RTL4: variants seen among roughly 807,000 people sequenced by gnomAD.
RTL4 encodes retrotransposon Gag-like protein 4.
A neutral mutation model predicts 5.3 loss-of-function variants in RTL4; 4 were observed. The ratio of observed to expected loss-of-function variants is 0.75; its 90% confidence interval spans 0.37 to 1.72. The LOEUF is 1.72. Ranked by LOEUF, RTL4 falls within the 40% of genes most tolerant of loss-of-function variation. The probability of loss-of-function intolerance (pLI) is 0.04; values close to 1 mark genes in which losing one functional copy is unlikely to be tolerated. For missense variants in RTL4, 260 were observed against 227.1 expected, an observed-to-expected ratio of 1.14 and a Z score of -0.93; for synonymous variants, 98 against 87.3, an observed-to-expected ratio of 1.12 and a Z score of -0.68.
chrX:112,326,676 C>A, the RTL4 span, among the ~76,000 whole-genome samples: 1 of 112,061 alleles, frequency 8.9e-6, no homozygotes, highest in Non-Finnish European at 1.9e-5. Flanking sequence ...GGCCTGCCTG[C>A]CTCTGTAGGC....
chrX:112,325,089 C>T, the RTL4 span, among the ~76,000 whole-genome samples: 4 of 111,389 alleles, frequency 3.6e-5, no homozygotes, highest in African/African-American at 9.8e-5. Flanking sequence ...ATCCAACTTA[C>T]AAGGGATGTG....
chrX:112,172,128 C>T, the RTL4 span, among the ~76,000 whole-genome samples: 1 of 112,117 alleles, frequency 8.9e-6, no homozygotes, highest in Non-Finnish European at 1.9e-5. Flanking sequence ...AGTTCAAATC[C>T]AGCCTGGCCA....
At chrX:112,281,105 C>T in the RTL4 span, among the ~76,000 whole-genome samples, 1 of 111,423 alleles carries the variant, frequency 9.0e-6, no homozygotes, top group Admixed American at 9.6e-5. Context: ...CTTATTTCTC[C>T]TATCTAAATG....
chrX:112,279,563 G>A, the RTL4 span, among the ~76,000 whole-genome samples: 950 of 110,744 alleles, frequency 8.6e-3, 5 homozygotes, highest in Admixed American at 0.015. Flanking sequence ...ACTTTCTCTA[G>A]TAGGTACTGA....
chrX:112,155,721 G>T, the RTL4 span, among the ~76,000 whole-genome samples: 1 of 111,521 alleles, frequency 9.0e-6, no homozygotes, highest in African/African-American at 3.3e-5. Context: ...TTCTTAGATT[G>T]TTGCAAGTCT....
At chrX:112,453,992 G>A (rs1926787550), upstream of RTL4, among the ~76,000 whole-genome samples, 1 of 111,314 alleles carries the variant, frequency 9.0e-6, no homozygotes, top group South Asian at 3.7e-4. Context: ...TGTGACCTTG[G>A]GAAAACATCT....
chrX:112,163,561 A>G, the RTL4 span, among the ~76,000 whole-genome samples: 1 of 111,673 alleles, frequency 9.0e-6, no homozygotes, highest in African/African-American at 3.3e-5. Context: ...CTTGAGGATA[A>G]AGCCTTTTGT....
At chrX:112,360,500 C>T in the RTL4 span, among the ~76,000 whole-genome samples, 2 of 110,942 alleles carry the variant, frequency 1.8e-5, no homozygotes, top group Non-Finnish European at 3.8e-5. Flanking sequence ...ACCCAGATCA[C>T]AATAGTCCTA....
At chrX:112,388,139 G>A in the RTL4 span, among the ~76,000 whole-genome samples, 1 of 111,901 alleles carries the variant, frequency 8.9e-6, no homozygotes, top group Non-Finnish European at 1.9e-5. Flanking sequence ...TCACCTCTCT[G>A]GTTAGCTATA....
At chrX:112,087,930 C>T in the RTL4 span, among the ~76,000 whole-genome samples, 1 of 110,915 alleles carries the variant, frequency 9.0e-6, no homozygotes, top group East Asian at 2.8e-4. Context: ...TTAAACTATA[C>T]AATTTAGTGA....
the RTL4 span, among the ~76,000 whole-genome samples, chrX:112,189,172 T>C: frequency 1.3e-4 from 14 of 110,804 alleles, no homozygotes; most frequent in African/African-American, 3.9e-4. Flanking sequence ...GGTAGGAAGA[T>C]TGCTTGAAGC....
the RTL4 span, among the ~76,000 whole-genome samples, chrX:112,358,557 G>T: frequency 9.0e-6 from 1 of 111,468 alleles, no homozygotes. Context: ...GGTAAACAAA[G>T]CTTGATACAA....
the RTL4 span, among the ~76,000 whole-genome samples, chrX:112,269,561 C>T: frequency 9.0e-6 from 1 of 111,585 alleles, no homozygotes; most frequent in South Asian, 3.8e-4. Flanking sequence ...ATTTATTACT[C>T]ATCACAATTA....
the RTL4 span, among the ~76,000 whole-genome samples, chrX:112,413,177 A>ATATT: frequency 8.9e-6 from 1 of 111,921 alleles, no homozygotes; most frequent in Non-Finnish European, 1.9e-5. Flanking sequence ...CCCAGTTAAA[A>ATATT]TGGCTTACAT....
At chrX:112,353,600 G>T in the RTL4 span, among the ~76,000 whole-genome samples, 2 of 110,218 alleles carry the variant, frequency 1.8e-5, no homozygotes, top group African/African-American at 6.6e-5. Context: ...ACCAAACACC[G>T]CATGTTCTCA....
the RTL4 span, among the ~76,000 whole-genome samples, chrX:112,348,458 A>G: frequency 9.1e-6 from 1 of 110,035 alleles, no homozygotes; most frequent in African/African-American, 3.3e-5. Context: ...AATAAAAAAT[A>G]AAAATCAACA....
chrX:112,319,488 T>C, the RTL4 span, among the ~76,000 whole-genome samples: 13 of 112,265 alleles, frequency 1.2e-4, no homozygotes, highest in African/African-American at 4.2e-4. Context: ...ATATCTTTAT[T>C]TTTATTGAGA....
chrX:112,152,865 G>A, the RTL4 span, among the ~76,000 whole-genome samples: 1 of 111,314 alleles, frequency 9.0e-6, no homozygotes, highest in Non-Finnish European at 1.9e-5. Flanking sequence ...CTTTAAGGAA[G>A]ATGCCTTAGG....
chrX:112,123,792 C>T, the RTL4 span, among the ~76,000 whole-genome samples: 3,424 of 111,225 alleles, frequency 0.031, 150 homozygotes, highest in African/African-American at 0.11. Context: ...GACTTTATGA[C>T]GAAAGCACCA....
Sources: allele counts gnomAD v4.1 joint callset (sites outside exome capture counted in the v4.1 genomes callset), GRCh38; gene constraint gnomAD v4.1.1; transcripts MANE v1.5; gene names NCBI Gene and HGNC (gene_info 2026-07-23, HGNC 2026-07-21).